The following RIMS2 variants were observed in gnomAD, a reference collection of about 807,000 sequenced individuals.
The protein encoded by RIMS2 is regulating synaptic membrane exocytosis protein 2.
Under a neutral mutation model 174.4 loss-of-function variants are expected in RIMS2, and 59 were observed. The ratio of observed to expected loss-of-function variants is 0.34; its 90% confidence interval spans 0.27 to 0.42. RIMS2 has a LOEUF of 0.42. Among genes scored for constraint, RIMS2 ranks in the 10% least tolerant of loss-of-function variants. The probability of loss-of-function intolerance (pLI) is 1.00; values close to 1 mark genes in which losing one functional copy is unlikely to be tolerated. For missense variants in RIMS2, 1,620 were observed against 1,666.3 expected, an observed-to-expected ratio of 0.97 and a Z score of 0.48; for synonymous variants, 606 against 572.5, an observed-to-expected ratio of 1.06 and a Z score of -0.84.
At chr8:103,590,209 T>TAGG (rs2094182578) in intron 1 of RIMS2, among the ~76,000 whole-genome samples, 2 of 151,184 alleles carry the variant, frequency 1.3e-5, no homozygotes, top group Non-Finnish European at 3.0e-5. Context: ...TATATACACC[T>TAGG]ACTATGTATC....
chr8:103,608,597 C>T (rs2095241000), intron 1 of RIMS2, among the ~76,000 whole-genome samples: 1 of 148,814 alleles, frequency 6.7e-6, no homozygotes, highest in South Asian at 2.1e-4. Context: ...AGCCTCGCTG[C>T]CGCCTTGCAG....
intron 19 of RIMS2, among the ~76,000 whole-genome samples, chr8:104,152,755 C>A (rs975202919): frequency 1.3e-5 from 2 of 151,796 alleles, no homozygotes; most frequent in Non-Finnish European, 2.9e-5. Flanking sequence ...CAAAGAAATT[C>A]TTTGTGTGTT....
At chr8:103,694,772 G>A (rs2137196943) in intron 1 of RIMS2, among the ~76,000 whole-genome samples, 1 of 152,314 alleles carries the variant, frequency 6.6e-6, no homozygotes, top group Non-Finnish European at 1.5e-5. Context: ...TGCAGGGCCT[G>A]GCCTGATACT....
rs1378643948 is a variant in RIMS2, at chr8:103,898,461, T to G, written c.1625-11673T>G. Reference sequence around the variant, plus strand: ...TGTACTTGGGGCAGTATTAATTATTTAGGGAAGATGCAACATCTGGCATGT... The same window carrying G: ...TGTACTTGGGGCAGTATTAATTATTGAGGGAAGATGCAACATCTGGCATGT... On this transcript the variant is annotated intron_variant, in intron 4 of 23. Coordinates refer to ENST00000504942, the Ensembl canonical transcript of RIMS2. 2.6e-5 allele frequency among the ~76,000 whole-genome samples: 4 copies of G among 151,688 alleles called. 1 individual carries two copies. Among genetic ancestry groups the G allele is most frequent in the African/African-American group, 7.3e-5 (3 of 41,018 alleles).
At chr8:103,936,590 A>T in exon 13 of RIMS2, 1 of 1,601,078 alleles carries the variant, frequency 6.2e-7, no homozygotes, top group East Asian at 2.3e-5. Context: ...TAAAGAAAAC[A>T]TTGGAACCCA....
At chr8:103,551,539 CAAG>C (rs1847925322) in intron 1 of RIMS2, among the ~76,000 whole-genome samples, 1 of 152,108 alleles carries the variant, frequency 6.6e-6, no homozygotes, top group South Asian at 2.1e-4. Flanking sequence ...AAAACTGGCA[CAAG>C]ACAGGGATAC....
At chr8:104,073,881 A>G (rs767036660) in intron 19 of RIMS2, among the ~76,000 whole-genome samples, 11 of 152,226 alleles carry the variant, frequency 7.2e-5, no homozygotes, top group Non-Finnish European at 1.5e-4. Context: ...ATGAATGACA[A>G]CACAGAGCTT....
chr8:103,965,157 T>C (rs1335911052), intron 15 of RIMS2, among the ~76,000 whole-genome samples: 1 of 152,176 alleles, frequency 6.6e-6, no homozygotes, highest in Non-Finnish European at 1.5e-5. Flanking sequence ...CTTCTCCATA[T>C]GAGGTCTGGA....
intron 1 of RIMS2, among the ~76,000 whole-genome samples, chr8:103,596,742 T>G (rs2094492435): frequency 6.6e-6 from 1 of 151,946 alleles, no homozygotes; most frequent in African/African-American, 2.4e-5. Context: ...GAAATTTAAC[T>G]TTTTTGTTAC....
chr8:104,065,195 GAGAA>G (rs1283010543), intron 19 of RIMS2, among the ~76,000 whole-genome samples: 3 of 152,018 alleles, frequency 2.0e-5, no homozygotes, highest in Non-Finnish European at 4.4e-5. Context: ...GTCAATCTGA[GAGAA>G]AGAGAGAGGA....
At chr8:104,194,140 TTTTC>T (rs1322971574) in intron 19 of RIMS2, among the ~76,000 whole-genome samples, 2 of 152,122 alleles carry the variant, frequency 1.3e-5, no homozygotes, top group Non-Finnish European at 2.9e-5. Context: ...AGGAGAATTT[TTTTC>T]TTTCTTTTTT....
At position 104,158,012 on chromosome 8, in the gene RIMS2, A is replaced by G. The variant is rs572218667; in HGVS notation, c.3335-86904A>G. On this transcript the variant is annotated intron_variant, in intron 19 of 23. Coordinates refer to ENST00000504942, the Ensembl canonical transcript of RIMS2. ...TGTGCCATGTTGGTTTGCTGCACCC[A>G]TCAACTCGTCATTTACGTTAGATAT... Among the ~76,000 whole-genome samples the G allele has an allele frequency of 2.3e-3, 349 of 152,248 alleles. 2 individuals are homozygous for G. Among genetic ancestry groups the G allele is most frequent in the African/African-American group, 7.6e-3 (315 of 41,556 alleles).
At chr8:103,784,329 A>T (rs1186003107) in intron 3 of RIMS2, among the ~76,000 whole-genome samples, 2 of 150,552 alleles carry the variant, frequency 1.3e-5, no homozygotes, top group Non-Finnish European at 3.0e-5. Flanking sequence ...TGTTTTAGTC[A>T]TGAAGTCCTT....
chr8:103,857,139 A>G (rs1423729538), intron 3 of RIMS2, among the ~76,000 whole-genome samples: 1 of 152,206 alleles, frequency 6.6e-6, no homozygotes. Context: ...AATTTTACTC[A>G]GGATGGTTCA....
chr8:103,996,333 T>G (rs1315272068), intron 17 of RIMS2, among the ~76,000 whole-genome samples: 1 of 151,868 alleles, frequency 6.6e-6, no homozygotes, highest in Non-Finnish European at 1.5e-5. Context: ...TGCTTGAACC[T>G]CCTCGTAAAT....
intron 3 of RIMS2, among the ~76,000 whole-genome samples, chr8:103,814,387 A>G (rs555791519): frequency 1.5e-4 from 23 of 152,142 alleles, no homozygotes; most frequent in African/African-American, 5.1e-4. Context: ...ATACCTGCAC[A>G]TGTACCCCTA....
At chr8:103,721,007 C>T (rs375040471) in intron 2 of RIMS2, among the ~76,000 whole-genome samples, 131 of 152,188 alleles carry the variant, frequency 8.6e-4, no homozygotes, top group African/African-American at 2.7e-3. Context: ...GTGTTAGAGG[C>T]GGGGCCTGGT....
At chr8:103,684,622 T>C (rs1407383503) in intron 1 of RIMS2, among the ~76,000 whole-genome samples, 3 of 150,686 alleles carry the variant, frequency 2.0e-5, no homozygotes, top group African/African-American at 7.3e-5. Context: ...ACTCTCGCTC[T>C]ATCCCCCAGG....
intron 19 of RIMS2, among the ~76,000 whole-genome samples, chr8:104,177,376 A>G (rs1365846521): frequency 3.9e-5 from 6 of 152,122 alleles, no homozygotes; most frequent in Admixed American, 2.6e-4. Context: ...TAGGGACTAC[A>G]TTAGGATGGC....
Sources: gnomAD v4.1 joint callset for allele counts (sites outside exome capture counted in the v4.1 genomes callset) on GRCh38, gnomAD v4.1.1 for gene constraint, MANE v1.5 for transcripts, NCBI Gene and HGNC (gene_info 2026-07-23, HGNC 2026-07-21) for gene names.